Variants in SFXN5 observed in about 807,000 individuals in gnomAD.
SFXN5 encodes sideroflexin-5.
A neutral mutation model predicts 50.2 loss-of-function variants in SFXN5; 43 were observed. That is an observed-to-expected ratio of 0.86 (90% confidence interval 0.67 to 1.11). The LOEUF (loss-of-function observed/expected upper bound fraction) is 1.11. Ranked by LOEUF, SFXN5 falls within the 50% of genes least tolerant of loss-of-function variation. The probability of loss-of-function intolerance (pLI) is 0.00; values close to 1 mark genes in which losing one functional copy is unlikely to be tolerated. For missense variants in SFXN5, 463 were observed against 454.1 expected (o/e 1.02, Z -0.18); for synonymous variants, 203 against 185.8 (o/e 1.09, Z -0.75).
chr2:72,945,148 A>G lies in SFXN5; in HGVS notation c.946-49T>C. On this transcript the variant is annotated intron_variant, in intron 13 of 13. Coordinates refer to ENST00000272433, the MANE Select transcript of SFXN5 (RefSeq NM_144579.3). The surrounding 1 kb of genome is among the most constrained non-coding windows in gnomAD (Gnocchi z 5.8). ...AAAGTGGGGGAGTGGGAAGGGGCAAATAGTGGGGCTGGGAGCTGCAGTGAG... is the reference window on the plus strand; with the variant it reads ...AAAGTGGGGGAGTGGGAAGGGGCAAGTAGTGGGGCTGGGAGCTGCAGTGAG... 1 of 1,560,570 alleles carries G rather than the reference A, an allele frequency of 6.4e-7. No homozygotes were observed. The highest frequency in any genetic ancestry group is 8.8e-7 in the Non-Finnish European group (1 of 1,135,928).
chr2:73,025,177 C>A (rs950100192), intron 3 of SFXN5, among the ~76,000 whole-genome samples: 1 of 152,094 alleles, frequency 6.6e-6, no homozygotes, highest in African/African-American at 2.4e-5. Flanking sequence ...ACATAAAAGG[C>A]TGATCGTCCC....
intron 2 of SFXN5, among the ~76,000 whole-genome samples, chr2:73,050,086 C>G (rs948172170): frequency 1.3e-5 from 2 of 152,170 alleles, no homozygotes; most frequent in Non-Finnish European, 2.9e-5. Flanking sequence ...TCCAGACACA[C>G]TGGGGCAGGA....
intron 2 of SFXN5, among the ~76,000 whole-genome samples, chr2:73,047,301 AT>A (rs1236982011): frequency 6.2e-5 from 2 of 32,218 alleles, no homozygotes; most frequent in African/African-American, 1.0e-4. Flanking sequence ...TATATATAAA[AT>A]ATATATGTGT....
intron 9 of SFXN5, chr2:72,997,657 T>G (rs1673410903): frequency 6.6e-6 from 1 of 151,996 alleles, no homozygotes. Flanking sequence ...TGGCGTGATC[T>G]CGGCTCACTG....
At position 72,980,547 on chromosome 2, in the gene SFXN5, A is replaced by G. The variant is rs549423656; in HGVS notation, c.625+7711T>C. Among the ~76,000 whole-genome samples the G allele has an allele frequency of 1.6e-4, 24 of 152,262 alleles. No homozygotes were observed. The South Asian group carries it at 3.7e-3, about 24-fold the overall frequency. ...TCTTAAGTAGCTTGAGAATTTGGGG[A>G]GAGTTTCACAACCCATATTGAAGTG... On this transcript the variant is annotated intron_variant, in intron 10 of 13. Coordinates refer to ENST00000272433, the MANE Select transcript of SFXN5 (RefSeq NM_144579.3).
At chr2:73,040,823 C>T in intron 3 of SFXN5, 31 bp downstream of exon 3, 4 of 1,569,678 alleles carry the variant, frequency 2.5e-6, no homozygotes, top group Non-Finnish European at 3.5e-6. Context: ...CCCTTCCCCA[C>T]TGGCCATGCT....
At chr2:73,063,843 G>C (rs569321296) in intron 1 of SFXN5, among the ~76,000 whole-genome samples, 5 of 152,160 alleles carry the variant, frequency 3.3e-5, no homozygotes, top group Non-Finnish European at 5.9e-5. Context: ...TGAATGGCAA[G>C]GAAGGTTATA....
At chr2:73,056,039 G>A (rs1682069190) in intron 2 of SFXN5, among the ~76,000 whole-genome samples, 1 of 152,212 alleles carries the variant, frequency 6.6e-6, no homozygotes, top group Non-Finnish European at 1.5e-5. Flanking sequence ...TCGGGAGGCT[G>A]AGTCACGAGA....
intron 3 of SFXN5, among the ~76,000 whole-genome samples, chr2:73,039,331 G>C (rs1679329611): frequency 6.6e-6 from 1 of 152,244 alleles, no homozygotes; most frequent in African/African-American, 2.4e-5. Flanking sequence ...GGAGGGTACA[G>C]TGAGAGTGAG....
intron 3 of SFXN5, among the ~76,000 whole-genome samples, chr2:73,032,670 C>T (rs927826549): frequency 2.0e-5 from 3 of 152,182 alleles, no homozygotes; most frequent in African/African-American, 4.8e-5. Flanking sequence ...CAATCTGGCT[C>T]GCTCCCCTTC....
chr2:72,976,734 C>G (rs1670657306), intron 10 of SFXN5, among the ~76,000 whole-genome samples: 1 of 152,142 alleles, frequency 6.6e-6, no homozygotes, highest in South Asian at 2.1e-4. Context: ...CTTGCTTATT[C>G]CTTCCAATGG....
At chr2:73,006,628 CAA>C (rs34991822) in intron 6 of SFXN5, among the ~76,000 whole-genome samples, 4 of 141,630 alleles carry the variant, frequency 2.8e-5, no homozygotes, top group African/African-American at 5.3e-5. Context: ...GAGATTATCT[CAA>C]AAAAAAAAAA....
intron 9 of SFXN5, 25 bp downstream of exon 9, chr2:72,998,924 A>G (rs763732058): frequency 1.3e-5 from 21 of 1,612,828 alleles, no homozygotes; most frequent in Non-Finnish European, 1.7e-5. Flanking sequence ...CAGAGCCAAG[A>G]AGGAGCAGGG....
intron 6 of SFXN5, among the ~76,000 whole-genome samples, chr2:73,005,314 C>G (rs528617594): frequency 6.6e-6 from 1 of 152,212 alleles, no homozygotes; most frequent in South Asian, 2.1e-4. Context: ...TCTGCACATC[C>G]GTCTGTACCT....
intron 9 of SFXN5, 112 bp from the exon 10 acceptor site, chr2:72,988,460 C>T (rs998377175): frequency 1.1e-6 from 1 of 924,266 alleles, no homozygotes; most frequent in Admixed American, 2.2e-5. Context: ...TCATCTTTCC[C>T]CACAACTGCA....
intron 10 of SFXN5, among the ~76,000 whole-genome samples, chr2:72,984,969 C>A (rs1005002729): frequency 1.3e-5 from 2 of 152,078 alleles, no homozygotes; most frequent in South Asian, 4.2e-4. Context: ...TCCTTGTTCC[C>A]CAGAGCTTGA....
At chr2:72,946,881 C>T (rs961567569) in intron 13 of SFXN5, among the ~76,000 whole-genome samples, 12 of 152,306 alleles carry the variant, frequency 7.9e-5, no homozygotes, top group Middle Eastern at 3.4e-3. Flanking sequence ...AAGTCAGACT[C>T]CCGCGCCACC....
At chr2:73,036,310 A>G (rs1302813209) in intron 3 of SFXN5, among the ~76,000 whole-genome samples, 1 of 152,128 alleles carries the variant, frequency 6.6e-6, no homozygotes, top group Non-Finnish European at 1.5e-5. Context: ...CAGGGAGGGA[A>G]GCATTTGTGA....
chr2:73,065,644 G>A lies in SFXN5; in HGVS notation c.102+5960C>T, dbSNP rs182641728. On this transcript the variant is annotated intron_variant, in intron 1 of 13. Transcript: ENST00000272433. ...ACTCCTGACCTCAAGTGATCTGCCCGCCTTGGCCTCCCAGAGTGCTGGGAT... is the reference window on the plus strand; with the variant it reads ...ACTCCTGACCTCAAGTGATCTGCCCACCTTGGCCTCCCAGAGTGCTGGGAT... 3.6e-3 allele frequency among the ~76,000 whole-genome samples: 551 copies of A among 152,320 alleles called. 3 individuals carry two copies. The highest frequency in any genetic ancestry group is 0.012 in the African/African-American group (512 of 41,568).
Sources: allele counts gnomAD v4.1 joint callset (sites outside exome capture counted in the v4.1 genomes callset), GRCh38; gene constraint gnomAD v4.1.1; non-coding constraint Gnocchi (gnomAD v3.1); transcripts MANE v1.5; gene names NCBI Gene and HGNC (gene_info 2026-07-23, HGNC 2026-07-21).